The following CALN1 variants were observed in gnomAD, a reference collection of about 807,000 sequenced individuals.
The protein encoded by CALN1 is calcium-binding protein 8.
A neutral mutation model predicts 30.6 loss-of-function variants in CALN1; 17 were observed. The ratio of observed to expected loss-of-function variants is 0.56; its 90% CI spans 0.38 to 0.83. The LOEUF is 0.83. Ranked by LOEUF, CALN1 falls within the 40% of genes least tolerant of loss-of-function variation. The probability of loss-of-function intolerance (pLI) is 0.00; values close to 1 mark genes in which losing one functional copy is unlikely to be tolerated. For synonymous variants in CALN1, 156 were observed against 131.4 expected (o/e 1.19, Z -1.28); for missense variants, 291 against 354.9 (o/e 0.82, Z 1.45).
At chr7:72,210,992 T>A (rs1024258797) in intron 3 of CALN1, among the ~76,000 whole-genome samples, 13 of 152,178 alleles carry the variant, frequency 8.5e-5, no homozygotes, top group African/African-American at 3.1e-4. Context: ...AGTTCAAGGC[T>A]GTAGTGAGCT....
chr7:72,030,105 T>A (rs1801339697), intron 4 of CALN1, among the ~76,000 whole-genome samples: 1 of 152,192 alleles, frequency 6.6e-6, no homozygotes, highest in South Asian at 2.1e-4. Context: ...GGACATCCAG[T>A]CCAGTGTTTG....
At chr7:71,873,500 CCT>C (rs1304401275) in intron 5 of CALN1, among the ~76,000 whole-genome samples, 4 of 152,222 alleles carry the variant, frequency 2.6e-5, no homozygotes, top group African/African-American at 9.6e-5. Flanking sequence ...CCAGTGTTTT[CCT>C]CTGAGTCCAA....
intron 3 of CALN1, among the ~76,000 whole-genome samples, chr7:72,164,039 G>A (rs1409377844): frequency 6.6e-6 from 1 of 152,090 alleles, no homozygotes; most frequent in Non-Finnish European, 1.5e-5. Context: ...GGAGTAGGAT[G>A]GACTCTAATC....
At chr7:71,844,933 A>G (rs149778239) in intron 5 of CALN1, among the ~76,000 whole-genome samples, 5,474 of 152,232 alleles carry the variant, frequency 0.036, 338 homozygotes, top group African/African-American at 0.13. Flanking sequence ...TCTGTTGCCC[A>G]GGCTGGAGTA....
intron 1 of CALN1, among the ~76,000 whole-genome samples, chr7:72,408,346 C>T (rs765343338): frequency 1.3e-5 from 2 of 151,138 alleles, no homozygotes. Context: ...GAGGGTAAGG[C>T]ATGAAAGAGA....
At chr7:72,063,008 A>G (rs952578949) in intron 4 of CALN1, among the ~76,000 whole-genome samples, 3 of 152,194 alleles carry the variant, frequency 2.0e-5, no homozygotes, top group Non-Finnish European at 2.9e-5. Flanking sequence ...TTGTCCTGAT[A>G]CCAAAACCAA....
chr7:72,196,270 G>A (rs1349514053), intron 3 of CALN1, among the ~76,000 whole-genome samples: 5 of 152,180 alleles, frequency 3.3e-5, no homozygotes, highest in African/African-American at 9.6e-5. Flanking sequence ...GGCGCATACC[G>A]CCATGCCTGG....
chr7:72,324,976 G>C (rs373550658), intron 2 of CALN1, among the ~76,000 whole-genome samples: 1 of 152,248 alleles, frequency 6.6e-6, no homozygotes, highest in East Asian at 1.9e-4. Flanking sequence ...TTATCTCTTT[G>C]GGTGTCGAGA....
chr7:72,079,939 T>G (rs112459397), intron 4 of CALN1, among the ~76,000 whole-genome samples: 2 of 151,788 alleles, frequency 1.3e-5, no homozygotes, highest in African/African-American at 4.8e-5. Flanking sequence ...CCCAGCTAAT[T>G]TTTGTATTTT....
chr7:72,209,218 C>T (rs1585170169), intron 3 of CALN1, among the ~76,000 whole-genome samples: 10 of 104,840 alleles, frequency 9.5e-5, no homozygotes, highest in South Asian at 3.4e-4. Flanking sequence ...CCTTCCTTCC[C>T]TCCTTCCCTC....
At chr7:71,996,902 T>A (rs950279450) in intron 5 of CALN1, among the ~76,000 whole-genome samples, 2 of 151,940 alleles carry the variant, frequency 1.3e-5, no homozygotes, top group African/African-American at 4.8e-5. Flanking sequence ...AAGAACCAGC[T>A]GGGCTTGGTG....
intron 3 of CALN1, among the ~76,000 whole-genome samples, chr7:72,244,503 A>G (rs1050161593): frequency 2.0e-5 from 3 of 152,176 alleles, no homozygotes; most frequent in Admixed American, 2.0e-4. Context: ...AAAGTTCCAC[A>G]ATTTATTATT....
chr7:72,035,454 G>A (rs1239741902), intron 4 of CALN1, among the ~76,000 whole-genome samples: 1 of 152,018 alleles, frequency 6.6e-6, no homozygotes, highest in Admixed American at 6.5e-5. Flanking sequence ...TCCTTTTTTA[G>A]ACTAATAAGG....
chr7:72,472,393 C>T, the CALN1 span, among the ~76,000 whole-genome samples: 2 of 152,156 alleles, frequency 1.3e-5, no homozygotes, highest in Non-Finnish European at 2.9e-5. Context: ...CCAACACATT[C>T]CCAACATGTC....
In CALN1 at chr7:71,810,506, G is replaced by A; in HGVS notation, c.502-14C>T. The A allele has an allele frequency of 5.0e-6, 8 of 1,611,690 alleles. No homozygotes were observed. Among genetic ancestry groups the A allele is most frequent in the Non-Finnish European group, 6.8e-6 (8 of 1,178,346 alleles). On this transcript the variant is annotated splice_polypyrimidine_tract_variant and intron_variant, in intron 5 of 6. Coordinates refer to ENST00000395275, the MANE Select transcript of CALN1 (RefSeq NM_031468.4). ...TTGCATGTCAAACTGTGGAGATAAA[G>A]AGTAGTGAGATGGTCAGAAGCATGT...
At chr7:71,897,553 T>C (rs189831638) in intron 5 of CALN1, among the ~76,000 whole-genome samples, 70 of 152,208 alleles carry the variant, frequency 4.6e-4, no homozygotes, top group African/African-American at 1.4e-3. Context: ...GGGAAGATAA[T>C]TGTGACTGCT....
rs1335528412 is a variant in CALN1, at chr7:71,897,672, G to A, written c.502-87180C>T. 2.0e-5 allele frequency among the ~76,000 whole-genome samples: 3 copies of A among 151,948 alleles called. No homozygotes were observed. In the East Asian group the frequency reaches 5.8e-4, roughly 29 times the overall value. ...GCAGAAAGATCCTGCAATGGGAAAT[G>A]AGGAGAGGGGCTGGGGGGAAGATAA... is the stretch of plus-strand genomic sequence containing the variant. On this transcript the variant is annotated intron_variant, in intron 5 of 6. Transcript: ENST00000395275.
At chr7:72,197,056 T>C (rs1275272806) in intron 3 of CALN1, among the ~76,000 whole-genome samples, 3 of 152,176 alleles carry the variant, frequency 2.0e-5, no homozygotes, top group African/African-American at 7.2e-5. Context: ...ATTTTACCTC[T>C]GGGTAATTTT....
In CALN1 at chr7:72,205,235, C is replaced by A. The variant is rs190979215; in HGVS notation, c.244+73451G>T. 2.4e-3 allele frequency among the ~76,000 whole-genome samples: 362 copies of A among 151,632 alleles called. 2 individuals carry two copies. The highest frequency in any genetic ancestry group is 8.1e-3 in the African/African-American group (336 of 41,338). On this transcript the variant is annotated intron_variant, in intron 3 of 6. Transcript: ENST00000395275. ...GTTTTGTTTTTGAGATAGAGTCTTG[C>A]TCTGTCACCCAGGTTGGAGTGCAGT... is the stretch of plus-strand genomic sequence containing the variant.
Sources: allele counts gnomAD v4.1 joint callset (sites outside exome capture counted in the v4.1 genomes callset), GRCh38; gene constraint gnomAD v4.1.1; transcripts MANE v1.5; gene names NCBI Gene and HGNC (gene_info 2026-07-23, HGNC 2026-07-21).